Variants in PPP1R12A observed in about 807,000 individuals in gnomAD.
The protein encoded by PPP1R12A is myosin binding subunit.
In PPP1R12A, 19 loss-of-function variants were observed where a neutral mutation model predicts 139.6. The observed-to-expected ratio is 0.14, with a 90% CI of 0.09 to 0.20. The LOEUF is 0.20. Among genes scored for constraint, PPP1R12A ranks in the 10% least tolerant of loss-of-function variants. The pLI is 1.00. For missense variants in PPP1R12A, 925 were observed against 1,211.5 expected, an observed-to-expected ratio of 0.76 and a Z score of 3.51; for synonymous variants, 427 against 420.6, an observed-to-expected ratio of 1.02 and a Z score of -0.19.
At chr12:79,922,495 T>G (rs921621674) in intron 1 of PPP1R12A, among the ~76,000 whole-genome samples, 1 of 152,150 alleles carries the variant, frequency 6.6e-6, no homozygotes, top group African/African-American at 2.4e-5. Flanking sequence ...ATACACACCA[T>G]GGAATACAGT....
chr12:79,865,834 GA>G (rs1881902117), intron 2 of PPP1R12A, among the ~76,000 whole-genome samples: 1 of 152,076 alleles, frequency 6.6e-6, no homozygotes, highest in Non-Finnish European at 1.5e-5. Flanking sequence ...CAAACAAATG[GA>G]AAAACATTCC....
At chr12:79,928,245 A>T (rs1377653649) in intron 1 of PPP1R12A, among the ~76,000 whole-genome samples, 2 of 152,198 alleles carry the variant, frequency 1.3e-5, no homozygotes, top group African/African-American at 4.8e-5. Context: ...GCTGAGGCAC[A>T]TGAAAGATGG....
intron 4 of PPP1R12A, among the ~76,000 whole-genome samples, chr12:79,830,003 AG>A (rs1355952052): frequency 6.6e-6 from 1 of 152,090 alleles, no homozygotes; most frequent in Admixed American, 6.6e-5. Context: ...TGTGTTTGGG[AG>A]GGAGAGAAAA....
intron 2 of PPP1R12A, among the ~76,000 whole-genome samples, chr12:79,855,781 T>C (rs1880581981): frequency 6.6e-6 from 1 of 152,148 alleles, no homozygotes; most frequent in South Asian, 2.1e-4. Flanking sequence ...CAGGTCATTA[T>C]CTGTTGCCAA....
intron 2 of PPP1R12A, among the ~76,000 whole-genome samples, chr12:79,864,669 T>G (rs1240678631): frequency 6.6e-6 from 1 of 152,184 alleles, no homozygotes; most frequent in Non-Finnish European, 1.5e-5. Flanking sequence ...AAATACAAAC[T>G]ACCATCAGAG....
At chr12:79,905,697 C>T (rs1285120564) in intron 1 of PPP1R12A, among the ~76,000 whole-genome samples, 1 of 152,154 alleles carries the variant, frequency 6.6e-6, no homozygotes, top group Non-Finnish European at 1.5e-5. Context: ...TCACTCTTAA[C>T]CCATGTATGT....
At chr12:79,871,441 A>C (rs1882555795) in intron 2 of PPP1R12A, among the ~76,000 whole-genome samples, 1 of 151,758 alleles carries the variant, frequency 6.6e-6, no homozygotes, top group Non-Finnish European at 1.5e-5. Context: ...TAGATACAAA[A>C]GGTAATGGTC....
chr12:79,887,906 T>C (rs1048759077), intron 1 of PPP1R12A, among the ~76,000 whole-genome samples: 2 of 152,098 alleles, frequency 1.3e-5, no homozygotes, highest in African/African-American at 4.8e-5. Context: ...AGTCACTGAG[T>C]TATTTCCCAA....
intron 1 of PPP1R12A, among the ~76,000 whole-genome samples, chr12:79,899,873 T>A (rs1565805877): frequency 6.6e-6 from 1 of 152,200 alleles, no homozygotes; most frequent in African/African-American, 2.4e-5. Context: ...CATTTCATGA[T>A]GCTCATATCA....
chr12:79,798,741 CTT>C (rs1328460045), intron 14 of PPP1R12A, among the ~76,000 whole-genome samples, 157 bp from the exon 15 acceptor site: 4 of 152,026 alleles, frequency 2.6e-5, no homozygotes, highest in Non-Finnish European at 4.4e-5. Flanking sequence ...ATAATGCAAT[CTT>C]ATAATTTCTT....
chr12:79,795,632 T>A lies in PPP1R12A; in HGVS notation c.2583+6A>T, dbSNP rs373571299. 6.2e-7 allele frequency: 1 copy of A among 1,607,616 alleles called. No homozygotes were observed. The highest frequency in any genetic ancestry group is 1.3e-5 in the African/African-American group (1 of 74,452). ...TATCAAATAATGTATTTTAATAGGT[T>A]CTCACATCTTGTGTCCAAAATGAAA... On this transcript the variant is annotated splice_donor_region_variant and intron_variant, in intron 18 of 24. Coordinates refer to ENST00000450142, the MANE Select transcript of PPP1R12A (RefSeq NM_002480.3).
chr12:79,890,258 T>C (rs544965423), intron 1 of PPP1R12A, among the ~76,000 whole-genome samples: 69 of 152,216 alleles, frequency 4.5e-4, no homozygotes, highest in African/African-American at 1.6e-3. Flanking sequence ...CAAAGTAAAT[T>C]AGAAAGGATT....
chr12:79,794,017 C>T (rs1008291438), intron 18 of PPP1R12A, 89 bp from the exon 19 acceptor site: 6 of 902,372 alleles, frequency 6.6e-6, no homozygotes, highest in African/African-American at 1.7e-5. Context: ...GAGTCCTTCT[C>T]TCTCAGAATA....
intron 1 of PPP1R12A, among the ~76,000 whole-genome samples, chr12:79,927,330 G>C (rs1319329720): frequency 6.6e-6 from 1 of 152,176 alleles, no homozygotes; most frequent in African/African-American, 2.4e-5. Flanking sequence ...TGTTGCTGCT[G>C]ATATATTCTG....
rs555019482 is a variant in PPP1R12A, at chr12:79,777,503, T to C, written c.3006+1047A>G. On this transcript the variant is annotated intron_variant, in intron 24 of 24. Coordinates refer to ENST00000450142, the MANE Select transcript of PPP1R12A (RefSeq NM_002480.3). ...CCTGCCTGGCTCTACCAAGAAGAAA[T>C]GATGAAACTAAAAATTATAGGTTCA... 4.1e-6 allele frequency: 4 copies of C among 985,252 alleles called. No individual in the cohort carries two copies. The East Asian group carries it at 4.5e-4, about 112-fold the overall frequency. 61.0% of individuals were successfully genotyped at this position (985,252 alleles called of 1,614,324 possible).
At chr12:79,858,985 ATAATT>A (rs1485910481) in intron 2 of PPP1R12A, among the ~76,000 whole-genome samples, 3 of 152,180 alleles carry the variant, frequency 2.0e-5, no homozygotes, top group Non-Finnish European at 4.4e-5. Flanking sequence ...ACAACGCAAA[ATAATT>A]TAAAACGATC....
At chr12:79,872,166 G>A (rs945468767) in intron 2 of PPP1R12A, among the ~76,000 whole-genome samples, 7 of 152,054 alleles carry the variant, frequency 4.6e-5, no homozygotes, top group Non-Finnish European at 1.0e-4. Flanking sequence ...TTTCATATAT[G>A]AGCAGAGAGA....
chr12:79,832,774 T>C (rs542139241), intron 3 of PPP1R12A, among the ~76,000 whole-genome samples: 11 of 152,258 alleles, frequency 7.2e-5, no homozygotes, highest in Admixed American at 2.0e-4. Context: ...ATTTGAACAT[T>C]TCCTAAGGTA....
rs183552920 is a variant in PPP1R12A at position 79,842,229 on chromosome 12, A to G, written c.487+3073T>C. Among the ~76,000 whole-genome samples the G allele has an allele frequency of 3.3e-5, 5 of 152,228 alleles. No individual in the cohort carries two copies. The East Asian group carries it at 9.7e-4, about 29-fold the overall frequency. ...CAGCTCCTCAAGAGGCTAAGGTGGG[A>G]GGATCGCTAGGGTCTGGGAGGTTGA... On this transcript the variant is annotated intron_variant, in intron 3 of 24. Coordinates refer to ENST00000450142, the MANE Select transcript of PPP1R12A (RefSeq NM_002480.3).
Sources: allele counts gnomAD v4.1 joint callset (sites outside exome capture counted in the v4.1 genomes callset), GRCh38; gene constraint gnomAD v4.1.1; transcripts MANE v1.5; gene names NCBI Gene and HGNC (gene_info 2026-07-23, HGNC 2026-07-21).